LUZP2: variants seen among roughly 807,000 people sequenced by gnomAD.
LUZP2 encodes the protein leucine zipper protein 2.
In LUZP2, 52 loss-of-function variants were observed where a neutral mutation model predicts 51.6. The observed-to-expected ratio is 1.01, with a 90% CI of 0.81 to 1.27. The LOEUF (loss-of-function observed/expected upper bound fraction) is 1.27. LUZP2 is among the 50% of genes most tolerant of loss of function. LUZP2 has a pLI of 0.00. For synonymous variants in LUZP2, 154 were observed against 137.3 expected, an observed-to-expected ratio of 1.12 and a Z score of -0.85; for missense variants, 436 against 395.4, an observed-to-expected ratio of 1.10 and a Z score of -0.87.
intron 1 of LUZP2, among the ~76,000 whole-genome samples, chr11:24,715,336 G>A (rs895378829): frequency 7.5e-6 from 1 of 133,806 alleles, no homozygotes; most frequent in African/African-American, 2.7e-5. Flanking sequence ...TATCTTGGTC[G>A]GTGAAGAGCA....
chr11:25,000,601 C>T (rs529792048), intron 9 of LUZP2, among the ~76,000 whole-genome samples: 5 of 152,118 alleles, frequency 3.3e-5, no homozygotes, highest in South Asian at 2.1e-4. Flanking sequence ...ATAGCTGCCA[C>T]GGTACTTAGA....
intron 5 of LUZP2, among the ~76,000 whole-genome samples, chr11:24,813,005 G>A (rs1850065585): frequency 6.6e-6 from 1 of 152,132 alleles, no homozygotes; most frequent in East Asian, 1.9e-4. Flanking sequence ...GGTCACTCTA[G>A]TCTTTTCCCT....
rs539469809 is a variant in LUZP2 at position 25,024,353 on chromosome 11, A to AATTGTCCCTGTTTGCAGATGACATG, written c.766-25679_766-25655dup. The stretch of plus-strand genomic sequence containing the variant: ...ATTCAATTAGGAAATGAGGAAGTCA[A>AATTGTCCCTGTTTGCAGATGACATG]ATTGTCCCTGTTTGCAGATGACATG... On this transcript the variant is annotated intron_variant, in intron 9 of 11. Transcript: ENST00000336930. Among the ~76,000 whole-genome samples the AATTGTCCCTGTTTGCAGATGACATG allele has an allele frequency of 3.1e-3, 475 of 152,190 alleles. 3 individuals carry two copies. The highest frequency in any genetic ancestry group is 0.011 in the African/African-American group (451 of 41,486).
intron 5 of LUZP2, among the ~76,000 whole-genome samples, chr11:24,799,662 A>C (rs554281571): frequency 1.1e-4 from 16 of 152,144 alleles, no homozygotes; most frequent in Non-Finnish European, 1.8e-4. Flanking sequence ...GCTAAACACC[A>C]ACTTCATAAC....
intron 5 of LUZP2, among the ~76,000 whole-genome samples, chr11:24,855,692 G>A (rs559473280): frequency 3.9e-5 from 6 of 152,262 alleles, no homozygotes; most frequent in South Asian, 2.1e-4. Flanking sequence ...AAAGTGGAAG[G>A]CATCGTATTA....
intron 1 of LUZP2, among the ~76,000 whole-genome samples, chr11:24,550,519 A>T (rs1851694305): frequency 6.6e-6 from 1 of 152,100 alleles, no homozygotes. Context: ...TGTAAACCAG[A>T]TGGCCAGGCA....
intron 1 of LUZP2, among the ~76,000 whole-genome samples, chr11:24,526,927 G>A (rs527524005): frequency 2.0e-5 from 3 of 151,338 alleles, no homozygotes; most frequent in East Asian, 3.9e-4. Flanking sequence ...CACTCTAAGG[G>A]GTCTTAAACA....
chr11:24,890,211 A>G (rs550649929), intron 5 of LUZP2, among the ~76,000 whole-genome samples: 10 of 152,360 alleles, frequency 6.6e-5, no homozygotes, highest in South Asian at 6.2e-4. Context: ...ATACTCAGGG[A>G]GAAAAGATAC....
intron 5 of LUZP2, among the ~76,000 whole-genome samples, chr11:24,905,511 G>A (rs1251015312): frequency 6.6e-6 from 1 of 152,006 alleles, no homozygotes; most frequent in Non-Finnish European, 1.5e-5. Flanking sequence ...CAGGACAACG[G>A]AGTGAAACTT....
chr11:24,698,568 T>G (rs1184810526), intron 1 of LUZP2, among the ~76,000 whole-genome samples: 1 of 152,252 alleles, frequency 6.6e-6, no homozygotes, highest in Non-Finnish European at 1.5e-5. Flanking sequence ...GCAATGATTT[T>G]GGCATCCATT....
intron 5 of LUZP2, chr11:24,892,119 A>G (rs1852873962): frequency 1.0e-6 from 1 of 985,608 alleles, no homozygotes; most frequent in Non-Finnish European, 1.2e-6. Context: ...ATAGGCTCTC[A>G]CTGTGGAGCT....
chr11:25,036,661 T>C (rs919664913), intron 9 of LUZP2, among the ~76,000 whole-genome samples: 1 of 152,126 alleles, frequency 6.6e-6, no homozygotes, highest in Non-Finnish European at 1.5e-5. Context: ...TCTGAGCAAG[T>C]TGTATCCCAA....
At chr11:24,795,673 G>A (rs1849526388) in intron 5 of LUZP2, among the ~76,000 whole-genome samples, 1 of 152,038 alleles carries the variant, frequency 6.6e-6, no homozygotes, top group Admixed American at 6.6e-5. Flanking sequence ...GCATGTCAGT[G>A]TCCCACAGTT....
chr11:24,774,076 C>G (rs976038803), intron 5 of LUZP2, among the ~76,000 whole-genome samples: 1 of 151,856 alleles, frequency 6.6e-6, no homozygotes, highest in Non-Finnish European at 1.5e-5. Flanking sequence ...GGCAGACCCA[C>G]CCTTAATCTG....
chr11:24,849,615 A>T (rs1590635427), intron 5 of LUZP2, among the ~76,000 whole-genome samples: 1 of 152,280 alleles, frequency 6.6e-6, no homozygotes, highest in Non-Finnish European at 1.5e-5. Context: ...TAGTAGAATG[A>T]TTTATCATCC....
Position 24,679,126 on chromosome 11 carries a change from G to A in LUZP2, c.63-50043G>A, listed in dbSNP as rs77432112. ...TAAAATATGTGTAGAAAGAATTCAG[G>A]TAGTTCCTTAAAGAAACCTTATGTC... On this transcript the variant is annotated intron_variant, in intron 1 of 11. Transcript: ENST00000336930. 3.4e-3 allele frequency among the ~76,000 whole-genome samples: 521 copies of A among 152,240 alleles called. 4 individuals are homozygous for A. Among genetic ancestry groups the A allele is most frequent in the African/African-American group, 0.011 (476 of 41,548 alleles).
intron 9 of LUZP2, among the ~76,000 whole-genome samples, chr11:25,041,159 G>C (rs1172418204): frequency 6.6e-6 from 1 of 151,952 alleles, no homozygotes; most frequent in East Asian, 1.9e-4. Flanking sequence ...ATCTGCAGGG[G>C]ATATTTTCCA....
At chr11:24,868,575 G>C (rs546549743) in intron 5 of LUZP2, among the ~76,000 whole-genome samples, 1 of 152,052 alleles carries the variant, frequency 6.6e-6, no homozygotes, top group East Asian at 1.9e-4. Flanking sequence ...ACTTATGAGG[G>C]CTAAGAAGAA....
chr11:24,683,314 C>G (rs188432186), intron 1 of LUZP2, among the ~76,000 whole-genome samples: 4 of 152,084 alleles, frequency 2.6e-5, no homozygotes, highest in Non-Finnish European at 5.9e-5. Context: ...ATTAATGACA[C>G]GATTCTTGTC....
Sources: gnomAD v4.1 joint callset for allele counts (sites outside exome capture counted in the v4.1 genomes callset) on GRCh38, gnomAD v4.1.1 for gene constraint, MANE v1.5 for transcripts, NCBI Gene and HGNC (gene_info 2026-07-23, HGNC 2026-07-21) for gene names.